SRD5A2: variants seen among roughly 807,000 people sequenced by gnomAD.
SRD5A2 encodes 3-oxo-5-alpha-steroid 4-dehydrogenase 2.
In SRD5A2, 30 loss-of-function variants were observed where a neutral mutation model predicts 27.4. The observed-to-expected ratio is 1.10, with a 90% CI of 0.82 to 1.49. The LOEUF (loss-of-function observed/expected upper bound fraction) is 1.49, where lower values mean the gene tolerates loss of function less well. Ranked by LOEUF, SRD5A2 falls within the 40% of genes most tolerant of loss-of-function variation. The pLI, the probability that SRD5A2 is intolerant of heterozygous loss-of-function variation, is 0.00. For synonymous variants in SRD5A2, 141 were observed against 133.6 expected (o/e 1.06, Z -0.38); for missense variants, 348 against 323.4 (o/e 1.08, Z -0.58).
the SRD5A2 span, among the ~76,000 whole-genome samples, chr2:31,641,980 A>G: frequency 6.6e-6 from 1 of 152,142 alleles, no homozygotes; most frequent in Admixed American, 6.5e-5. Flanking sequence ...TGAAGGGCTT[A>G]CACAAGCTGA....
At chr2:31,623,154 A>AT in the SRD5A2 span, among the ~76,000 whole-genome samples, 2 of 152,070 alleles carry the variant, frequency 1.3e-5, no homozygotes, top group Non-Finnish European at 2.9e-5. Context: ...CTGTACACTC[A>AT]TTAGTCATTC....
chr2:31,622,244 G>A, the SRD5A2 span, among the ~76,000 whole-genome samples: 2 of 152,064 alleles, frequency 1.3e-5, no homozygotes, highest in Non-Finnish European at 2.9e-5. Context: ...TTCTGTGTTA[G>A]TTTGCTGAGG....
chr2:31,535,308 C>T (rs1424774405), intron 1 of SRD5A2, among the ~76,000 whole-genome samples: 1 of 152,208 alleles, frequency 6.6e-6, no homozygotes, highest in Admixed American at 6.5e-5. Context: ...GCATGAGCCA[C>T]CGCGCCCAGC....
chr2:31,644,559 C>A, the SRD5A2 span, among the ~76,000 whole-genome samples: 1 of 152,124 alleles, frequency 6.6e-6, no homozygotes. Context: ...GAATCTAATG[C>A]GGCAGCTGAT....
At chr2:31,538,430 G>A (rs1666067852) in intron 1 of SRD5A2, among the ~76,000 whole-genome samples, 1 of 152,048 alleles carries the variant, frequency 6.6e-6, no homozygotes, top group Non-Finnish European at 1.5e-5. Context: ...TTCCATCTGA[G>A]TTTAATCTCT....
the SRD5A2 span, among the ~76,000 whole-genome samples, chr2:31,628,228 C>T: frequency 3.3e-5 from 5 of 151,736 alleles, no homozygotes; most frequent in Non-Finnish European, 7.4e-5. Context: ...TTACATAATG[C>T]TCTTGTCTTT....
chr2:31,625,591 T>A, the SRD5A2 span, among the ~76,000 whole-genome samples: 1 of 152,238 alleles, frequency 6.6e-6, no homozygotes, highest in Admixed American at 6.5e-5. Context: ...CTAGCCAGTT[T>A]TCCCAGCGAC....
chr2:31,580,906 C>T lies in SRD5A2; in HGVS notation c.-6G>A. The T allele has an allele frequency of 2.5e-6, 4 of 1,591,222 alleles. No homozygotes were observed. Among genetic ancestry groups the T allele is most frequent in the Non-Finnish European group, 3.4e-6 (4 of 1,166,642 alleles). On this transcript the variant is annotated 5_prime_UTR_variant, in exon 1 of 5. Transcript: ENST00000622030. ...TGCTGGCACTGAACCTGCATCGCGC[C>T]GTGTTCCTCGCCGGTGGCCGCTGCC... is the stretch of plus-strand genomic sequence containing the variant.
In SRD5A2 at chr2:31,522,616, G is replaced by A. The variant is rs1047987558; in HGVS notation, c.*3580C>T. On this transcript the variant is annotated 3_prime_UTR_variant, in exon 5 of 5. Coordinates refer to ENST00000622030, the MANE Select transcript of SRD5A2 (RefSeq NM_000348.4). The stretch of plus-strand genomic sequence containing the variant: ...TCACAACTCCATGGACTTGTACAAA[G>A]AATAAACAAATGTCTTACTTAGAAA... The A allele has an allele frequency of 9.4e-6, 2 of 213,776 alleles. No individual in the cohort carries two copies. Among genetic ancestry groups the A allele is most frequent in the African/African-American group, 4.5e-5 (2 of 44,204 alleles). The allele number at this position is 213,776 out of a possible 1,614,324, so 13.2% of individuals were successfully genotyped here.
the SRD5A2 span, among the ~76,000 whole-genome samples, chr2:31,647,777 G>C: frequency 6.6e-6 from 1 of 152,046 alleles, no homozygotes; most frequent in African/African-American, 2.4e-5. Context: ...AAATTATCTT[G>C]AACATTTGCT....
chr2:31,618,180 T>C, the SRD5A2 span, among the ~76,000 whole-genome samples: 1 of 152,144 alleles, frequency 6.6e-6, no homozygotes, highest in Non-Finnish European at 1.5e-5. Flanking sequence ...TATAAAACTA[T>C]GAGATCTTGT....
the SRD5A2 span, among the ~76,000 whole-genome samples, chr2:31,662,824 C>T: frequency 7.2e-5 from 11 of 152,260 alleles, no homozygotes; most frequent in African/African-American, 2.6e-4. Flanking sequence ...TTTTAGCCTT[C>T]TAGCTCTTGT....
chr2:31,595,974 G>A, the SRD5A2 span, among the ~76,000 whole-genome samples: 1 of 152,014 alleles, frequency 6.6e-6, no homozygotes, highest in Non-Finnish European at 1.5e-5. Context: ...TCTCAAGAGA[G>A]GCAGAAAAAG....
At chr2:31,596,868 G>C in the SRD5A2 span, among the ~76,000 whole-genome samples, 1 of 152,132 alleles carries the variant, frequency 6.6e-6, no homozygotes, top group East Asian at 1.9e-4. Context: ...TGGAAACATA[G>C]CTCAAGCTCA....
chr2:31,597,007 T>A, the SRD5A2 span, among the ~76,000 whole-genome samples: 1 of 151,950 alleles, frequency 6.6e-6, no homozygotes, highest in African/African-American at 2.4e-5. Context: ...AAAATTAATA[T>A]GGAACCAAAA....
chr2:31,558,331 G>A (rs750501995), intron 1 of SRD5A2, among the ~76,000 whole-genome samples: 86 of 152,270 alleles, frequency 5.6e-4, no homozygotes, highest in Middle Eastern at 3.4e-3. Context: ...ACAAATTGCC[G>A]CAGACTGGAT....
At chr2:31,556,222 T>C (rs1666491931) in intron 1 of SRD5A2, among the ~76,000 whole-genome samples, 1 of 152,198 alleles carries the variant, frequency 6.6e-6, no homozygotes, top group African/African-American at 2.4e-5. Flanking sequence ...ATAATGGTTT[T>C]AGACATATTA....
chr2:31,628,598 G>C, the SRD5A2 span, among the ~76,000 whole-genome samples: 2 of 152,306 alleles, frequency 1.3e-5, no homozygotes, highest in Non-Finnish European at 2.9e-5. Flanking sequence ...TGCTTATGTA[G>C]TGATTGATAA....
At chr2:31,652,593 AC>A in the SRD5A2 span, among the ~76,000 whole-genome samples, 4 of 152,210 alleles carry the variant, frequency 2.6e-5, no homozygotes, top group African/African-American at 9.6e-5. Context: ...AGAAATGAAA[AC>A]AAATTATTGA....
Sources: gnomAD v4.1 joint callset for allele counts (sites outside exome capture counted in the v4.1 genomes callset) on GRCh38, gnomAD v4.1.1 for gene constraint, MANE v1.5 for transcripts, NCBI Gene and HGNC (gene_info 2026-07-23, HGNC 2026-07-21) for gene names.